Variants in EFCAB5 observed in about 807,000 individuals in gnomAD.
EFCAB5 encodes EF-hand calcium binding domain 5.
A neutral mutation model predicts 167.9 loss-of-function variants in EFCAB5; 131 were observed. The observed-to-expected ratio is 0.78, with a 90% confidence interval of 0.68 to 0.90. The LOEUF (loss-of-function observed/expected upper bound fraction) is 0.90. Among genes scored for constraint, EFCAB5 ranks in the 40% least tolerant of loss-of-function variants. The pLI is 0.00. For missense variants in EFCAB5, 1,663 were observed against 1,745.2 expected (o/e 0.95, Z 0.84); for synonymous variants, 574 against 602.8 (o/e 0.95, Z 0.70).
At chr17:29,982,388 C>G (rs2068195981) in intron 4 of EFCAB5, among the ~76,000 whole-genome samples, 1 of 150,940 alleles carries the variant, frequency 6.6e-6, no homozygotes, top group South Asian at 2.1e-4. Flanking sequence ...GCAAGACTGT[C>G]TCAAAAAAAA....
At chr17:30,023,947 T>C (rs2069248944) in intron 7 of EFCAB5, among the ~76,000 whole-genome samples, 1 of 152,140 alleles carries the variant, frequency 6.6e-6, no homozygotes, top group African/African-American at 2.4e-5. Flanking sequence ...ATTATCTCAA[T>C]AGATGCAGAA....
intron 17 of EFCAB5, among the ~76,000 whole-genome samples, chr17:30,082,667 C>A (rs2071012330): frequency 6.6e-6 from 1 of 152,164 alleles, no homozygotes; most frequent in African/African-American, 2.4e-5. Context: ...GCTGGGATTA[C>A]AGGCATGAGC....
Position 30,078,420 on chromosome 17 carries a change from G to T in EFCAB5, c.2943G>T (p.Trp981Cys), listed in dbSNP as rs751204123. 1 of 1,613,954 alleles carries T rather than the reference G, an allele frequency of 6.2e-7. No homozygotes were observed. Among genetic ancestry groups the T allele is most frequent in the South Asian group, 1.1e-5 (1 of 91,084 alleles). Residue 981 changes from tryptophan to cysteine, a missense_variant, in exon 15 of 23, where the codon TGG (tryptophan) becomes TGT (cysteine). Coordinates refer to ENST00000394835, the MANE Select transcript of EFCAB5 (RefSeq NM_198529.4). ...TGAGGAATTCTGCCAGGCGGAAATG[G>T]CTGCACCAAATCCAATGTGCTGCAG... ...ESLRNSARRK[W>C]LHQIQCAAET...
chr17:30,084,803 G>A (rs2071055625), intron 18 of EFCAB5, among the ~76,000 whole-genome samples: 1 of 152,124 alleles, frequency 6.6e-6, no homozygotes, highest in African/African-American at 2.4e-5. Context: ...TCCAATGACA[G>A]CTGCCAACAG....
intron 11 of EFCAB5, 40 bp downstream of exon 11, chr17:30,056,005 A>C (rs150943636): frequency 0.024 from 39,446 of 1,613,280 alleles, 610 homozygotes; most frequent in Middle Eastern, 0.054. Flanking sequence ...TATACCCTAG[A>C]ACAAAAATAT....
At chr17:29,948,247 C>T (rs2067443466) in intron 3 of EFCAB5, among the ~76,000 whole-genome samples, 2 of 152,184 alleles carry the variant, frequency 1.3e-5, no homozygotes, top group South Asian at 4.1e-4. Flanking sequence ...CAAAACTGTA[C>T]ATATGTATTC....
At position 29,941,776 on chromosome 17, in the gene EFCAB5, G is replaced by A. The variant is rs1027681619; in HGVS notation, c.-21G>A. On this transcript the variant is annotated 5_prime_UTR_variant, in exon 1 of 23. In the 5' UTR this introduces an upstream ATG that the reference lacks. Transcript: ENST00000394835. ...TAGTAATATTCTTCTATACCATTTG[G>A]TGATAACTTTTGGAGTCCAAATGAA... The A allele has an allele frequency of 6.3e-7, 1 of 1,592,586 alleles. No individual in the cohort carries two copies.
intron 7 of EFCAB5, among the ~76,000 whole-genome samples, chr17:30,024,409 T>C (rs2069261728): frequency 6.6e-6 from 1 of 152,096 alleles, no homozygotes; most frequent in Admixed American, 6.6e-5. Context: ...GAGAGCCAAA[T>C]CATGAGTGAA....
At chr17:29,986,795 C>G (rs1215910888) in intron 4 of EFCAB5, among the ~76,000 whole-genome samples, 1 of 151,634 alleles carries the variant, frequency 6.6e-6, no homozygotes, top group Non-Finnish European at 1.5e-5. Flanking sequence ...CTATAGGCAC[C>G]CGCCACCTCG....
chr17:29,973,414 T>C (rs2067999086), intron 4 of EFCAB5, among the ~76,000 whole-genome samples: 1 of 152,146 alleles, frequency 6.6e-6, no homozygotes, highest in Admixed American at 6.5e-5. Context: ...TGAGTTAATA[T>C]TGACAGTTGC....
At chr17:30,105,421 A>T (rs2071436679) in intron 22 of EFCAB5, among the ~76,000 whole-genome samples, 1 of 152,224 alleles carries the variant, frequency 6.6e-6, no homozygotes, top group Non-Finnish European at 1.5e-5. Context: ...CAGGAGACGG[A>T]GGTTGCAGTG....
In EFCAB5 at chr17:30,108,101, A is replaced by G. The variant is rs1050997127; in HGVS notation, c.*77A>G. The G allele has an allele frequency of 1.4e-6, 2 of 1,470,038 alleles. No individual in the cohort carries two copies. Among genetic ancestry groups the G allele is most frequent in the Non-Finnish European group, 1.8e-6 (2 of 1,097,390 alleles). 91.1% of individuals were successfully genotyped at this position (1,470,038 alleles called of 1,614,324 possible). A position where few individuals can be genotyped will look rare whatever the true frequency, so the allele number is the denominator to read the frequency against. ...CAGTTTTGTTTGTTAACTATAAAAT[A>G]TTTTCCATTGGAAAGGGGTACCTAT... On this transcript the variant is annotated 3_prime_UTR_variant, in exon 23 of 23. Coordinates refer to ENST00000394835, the MANE Select transcript of EFCAB5 (RefSeq NM_198529.4).
At position 30,091,918 on chromosome 17, in the gene EFCAB5, C is replaced by T. The variant is rs774635705; in HGVS notation, c.3985C>T (p.Arg1329Ter). The T allele has an allele frequency of 1.6e-5, 26 of 1,613,776 alleles. No homozygotes were observed. The East Asian group carries it at 2.9e-4, about 18-fold the overall frequency. Reference protein sequence around the residue: ...EVQRAGILFFRIMLLELQESI... With the variant: ...EVQRAGILFF ...CCAGCGGGCAGGAATTCTCTTCTTCCGAATCATGCTGCTCGAGCTACAGGA... is the reference window on the plus strand; with the variant it reads ...CCAGCGGGCAGGAATTCTCTTCTTCTGAATCATGCTGCTCGAGCTACAGGA... Residue 1329 changes from arginine to a stop codon, truncating the protein, a stop_gained, in exon 21 of 23, where the codon CGA becomes TGA. Coordinates refer to ENST00000394835, the MANE Select transcript of EFCAB5 (RefSeq NM_198529.4). LOFTEE classifies it high-confidence loss of function.
intron 14 of EFCAB5, chr17:30,073,842 C>A (rs1048449813): frequency 1.1e-4 from 47 of 430,404 alleles, no homozygotes; most frequent in Non-Finnish European, 1.7e-4. Flanking sequence ...AGGAAGATTG[C>A]TTGAGCCCAG....
chr17:29,993,097 C>T, intron 4 of EFCAB5, 68 bp from the exon 5 acceptor site: 1 of 1,399,116 alleles, frequency 7.1e-7, no homozygotes, highest in East Asian at 2.6e-5. Flanking sequence ...GTCTGAATTC[C>T]TGTGTTCCAA....
intron 14 of EFCAB5, among the ~76,000 whole-genome samples, chr17:30,063,142 G>A (rs1438960826): frequency 1.3e-5 from 2 of 152,146 alleles, no homozygotes; most frequent in African/African-American, 4.8e-5. Flanking sequence ...GAGCTTTACT[G>A]GACTCTTAGA....
At chr17:29,942,091 C>A (rs1285562252) in intron 1 of EFCAB5, 149 bp from the exon 2 acceptor site, 17 of 761,004 alleles carry the variant, frequency 2.2e-5, no homozygotes, top group Non-Finnish European at 3.5e-5. Context: ...TTTGTTGATA[C>A]AACTACTTTG....
At chr17:30,077,805 C>T (rs1195474349) in intron 14 of EFCAB5, among the ~76,000 whole-genome samples, 3 of 152,182 alleles carry the variant, frequency 2.0e-5, no homozygotes, top group African/African-American at 7.2e-5. Flanking sequence ...TGAGCATTTA[C>T]TATTGTTAAG....
chr17:30,000,209 TA>T (rs768010615), intron 7 of EFCAB5, among the ~76,000 whole-genome samples: 5 of 152,154 alleles, frequency 3.3e-5, no homozygotes, highest in Non-Finnish European at 7.4e-5. Context: ...CACCTTCTGG[TA>T]AGATCAAGAA....
Sources: gnomAD v4.1 joint callset for allele counts (sites outside exome capture counted in the v4.1 genomes callset) on GRCh38, gnomAD v4.1.1 for gene constraint, MANE v1.5 for transcripts, NCBI Gene and HGNC (gene_info 2026-07-23, HGNC 2026-07-21) for gene names.